PNPT1: variants seen among roughly 807,000 people sequenced by gnomAD.
PNPT1 encodes polyribonucleotide nucleotidyltransferase 1, mitochondrial.
In PNPT1, 53 loss-of-function variants were observed where a neutral mutation model predicts 119.5. The ratio of observed to expected loss-of-function variants is 0.44; its 90% CI spans 0.36 to 0.56. The LOEUF is 0.56. Ranked by LOEUF, PNPT1 falls within the 20% of genes least tolerant of loss-of-function variation. The pLI, the probability that PNPT1 is intolerant of heterozygous loss-of-function variation, is 0.00. For synonymous variants in PNPT1, 357 were observed against 322.1 expected, an observed-to-expected ratio of 1.11 and a Z score of -1.16; for missense variants, 948 against 938.5, an observed-to-expected ratio of 1.01 and a Z score of -0.13.
intron 15 of PNPT1, among the ~76,000 whole-genome samples, chr2:55,658,386 G>T (rs765847966): frequency 6.6e-6 from 1 of 152,196 alleles, no homozygotes; most frequent in Non-Finnish European, 1.5e-5. Context: ...CGGGTATTGA[G>T]ATTGGGATGA....
At chr2:55,691,868 ATATATATATATTTTTTTTTTT>A (rs1193237611) in intron 1 of PNPT1, among the ~76,000 whole-genome samples, 3,397 of 42,150 alleles carry the variant, frequency 0.081, 101 homozygotes, top group Middle Eastern at 0.13. Context: ...ATATATATAT[ATATATATATATTTTTTTTTTT>A]TTTTTTTTTT....
chr2:55,685,514 G>C (rs867050305), intron 3 of PNPT1, among the ~76,000 whole-genome samples: 3 of 151,378 alleles, frequency 2.0e-5, no homozygotes, highest in African/African-American at 4.8e-5. Flanking sequence ...CTGGGTGACA[G>C]AGCAAGACCC....
chr2:55,662,588 T>C (rs577448925), intron 13 of PNPT1, among the ~76,000 whole-genome samples: 1 of 152,164 alleles, frequency 6.6e-6, no homozygotes, highest in Admixed American at 6.5e-5. Context: ...GGCAGAAGAA[T>C]AGCTCGAATC....
intron 13 of PNPT1, among the ~76,000 whole-genome samples, chr2:55,665,347 G>A (rs1030611589): frequency 6.6e-6 from 1 of 152,152 alleles, no homozygotes; most frequent in Non-Finnish European, 1.5e-5. Context: ...GAGTAACTTT[G>A]TGACTTTGAG....
At chr2:55,692,220 A>G (rs1480012002) in intron 1 of PNPT1, among the ~76,000 whole-genome samples, 1 of 152,074 alleles carries the variant, frequency 6.6e-6, no homozygotes, top group African/African-American at 2.4e-5. Context: ...TTGTAAACAC[A>G]TACACACAGT....
At position 55,656,164 on chromosome 2, in the gene PNPT1, T is replaced by A; in HGVS notation, c.1408A>T (p.Ile470Leu). The change falls in exon 17 of 28, where the codon ATA becomes TTA. Residue 470 changes from isoleucine (I) to leucine (L), a missense_variant. By Grantham distance (5) the Ile-to-Leu change is conservative. Coordinates refer to ENST00000447944, the MANE Select transcript of PNPT1 (RefSeq NM_033109.5). ...PVIPRDFPFT[I>L]RVTSEVLESN... ...TCTAGGACTTCAGATGTAACTCTTATGGTGAAAGGAAAATCTCGGGGAATA... is the reference window on the plus strand; with the variant it reads ...TCTAGGACTTCAGATGTAACTCTTAAGGTGAAAGGAAAATCTCGGGGAATA... The A allele has an allele frequency of 6.2e-7, 1 of 1,613,552 alleles. No individual in the cohort carries two copies. The highest frequency in any genetic ancestry group is 8.5e-7 in the Non-Finnish European group (1 of 1,179,686).
At chr2:55,688,448 G>A (rs184212331) in intron 1 of PNPT1, among the ~76,000 whole-genome samples, 2 of 152,182 alleles carry the variant, frequency 1.3e-5, no homozygotes, top group Admixed American at 1.3e-4. Flanking sequence ...CTTTAGCCAG[G>A]CGTGGTGTCT....
At chr2:55,678,416 T>C (rs1157763012) in intron 8 of PNPT1, among the ~76,000 whole-genome samples, 1 of 152,270 alleles carries the variant, frequency 6.6e-6, no homozygotes, top group Non-Finnish European at 1.5e-5. Context: ...TATAGTCATG[T>C]GCCACAGTTC....
intron 8 of PNPT1, among the ~76,000 whole-genome samples, chr2:55,678,313 C>A (rs1205728572): frequency 2.6e-5 from 4 of 152,106 alleles, no homozygotes; most frequent in Non-Finnish European, 5.9e-5. Flanking sequence ...TTGGAATATC[C>A]TCTCTACATT....
chr2:55,654,203 G>A (rs1696307424), intron 18 of PNPT1, among the ~76,000 whole-genome samples: 2 of 148,306 alleles, frequency 1.3e-5, no homozygotes, highest in African/African-American at 5.0e-5. Context: ...GTTGCAGTGA[G>A]CCGAGACTGC....
chr2:55,669,674 T>G (rs1357946248), intron 11 of PNPT1, among the ~76,000 whole-genome samples: 1 of 152,122 alleles, frequency 6.6e-6, no homozygotes, highest in Non-Finnish European at 1.5e-5. Flanking sequence ...ATTTCTTTCT[T>G]ACCAAATAGG....
intron 18 of PNPT1, among the ~76,000 whole-genome samples, chr2:55,651,158 G>A (rs1366016864): frequency 6.6e-6 from 1 of 151,002 alleles, no homozygotes; most frequent in Non-Finnish European, 1.5e-5. Flanking sequence ...GGGAAGTGAG[G>A]AGCCCCTCTG....
chr2:55,656,994 T>C (rs141046389), intron 15 of PNPT1, among the ~76,000 whole-genome samples: 207 of 152,274 alleles, frequency 1.4e-3, no homozygotes, highest in Non-Finnish European at 2.1e-3. Context: ...GAATATGAAT[T>C]AGTTGTGATC....
Position 55,672,055 on chromosome 2 carries a change from G to C in PNPT1, c.867-9C>G, listed in dbSNP as rs752684402. 3 of 1,578,478 alleles carry C rather than the reference G, an allele frequency of 1.9e-6. No individual in the cohort carries two copies. Among genetic ancestry groups the C allele is most frequent in the Non-Finnish European group, 2.6e-6 (3 of 1,161,452 alleles). ...GTCTCTCCATAGCAAGTCTATTTAAGCAGAAAATAAATGTTAGCATAATAA... is the reference window on the plus strand; with the variant it reads ...GTCTCTCCATAGCAAGTCTATTTAACCAGAAAATAAATGTTAGCATAATAA... On this transcript the variant is annotated splice_polypyrimidine_tract_variant and intron_variant, in intron 9 of 27. Coordinates refer to ENST00000447944, the MANE Select transcript of PNPT1 (RefSeq NM_033109.5).
chr2:55,651,297 G>C (rs1171923401), intron 18 of PNPT1, among the ~76,000 whole-genome samples: 2 of 152,142 alleles, frequency 1.3e-5, no homozygotes, highest in African/African-American at 4.8e-5. Context: ...ATTGAGAACG[G>C]GCCATGATGA....
At position 55,667,003 on chromosome 2, in the gene PNPT1, T is replaced by C; in HGVS notation, c.1164A>G (p.Arg388=). 6.3e-7 allele frequency: 1 copy of C among 1,585,176 alleles called. No individual in the cohort carries two copies. The highest frequency in any genetic ancestry group is 8.6e-7 in the Non-Finnish European group (1 of 1,168,220). The change falls in exon 13 of 28, where the codon AGA becomes AGG. Residue 388 remains arginine, a synonymous_variant. Coordinates refer to ENST00000447944, the MANE Select transcript of PNPT1 (RefSeq NM_033109.5). ...TTATATAAATTACCTGTGTTTGTCCTCTTTGAAATAATGCTGATCCATGAA... is the reference window on the plus strand; with the variant it reads ...TTATATAAATTACCTGTGTTTGTCCCCTTTGAAATAATGCTGATCCATGAA... ...KTLHGSALFQ[R]GQTQVLCTVT...
intron 5 of PNPT1, 109 bp from the exon 6 acceptor site, chr2:55,681,027 C>A: frequency 1.2e-6 from 1 of 837,098 alleles, no homozygotes; most frequent in Non-Finnish European, 1.9e-6. Flanking sequence ...TGTAGCCAAA[C>A]CTCTTAATTT....
At chr2:55,666,800 C>A (rs1696745789) in intron 13 of PNPT1, among the ~76,000 whole-genome samples, 191 bp downstream of exon 13, 1 of 152,192 alleles carries the variant, frequency 6.6e-6, no homozygotes, top group Non-Finnish European at 1.5e-5. Flanking sequence ...TATGATTGTG[C>A]CACTGCACTG....
chr2:55,684,761 A>G (rs1179228611), intron 4 of PNPT1, among the ~76,000 whole-genome samples, 182 bp downstream of exon 4: 2 of 152,262 alleles, frequency 1.3e-5, no homozygotes, highest in Non-Finnish European at 2.9e-5. Flanking sequence ...CCCTGAAGAA[A>G]TAAAAGTTTT....
Sources: allele counts gnomAD v4.1 joint callset (sites outside exome capture counted in the v4.1 genomes callset), GRCh38; gene constraint gnomAD v4.1.1; transcripts MANE v1.5; gene names NCBI Gene and HGNC (gene_info 2026-07-23, HGNC 2026-07-21).